CUX1: variants seen among roughly 807,000 people sequenced by gnomAD.
CUX1 encodes the protein cut like homeobox 1, also known as protein CASP.
A neutral mutation model predicts 158.8 loss-of-function variants in CUX1; 31 were observed. The ratio of observed to expected loss-of-function variants is 0.20; its 90% CI spans 0.15 to 0.26. The LOEUF is 0.26. CUX1 is among the 10% of genes least tolerant of loss of function. CUX1 has a pLI of 1.00. For missense variants in CUX1, 1,589 were observed against 2,014.6 expected (o/e 0.79, Z 4.04); for synonymous variants, 879 against 862.1 (o/e 1.02, Z -0.34).
At chr7:102,092,912 C>CTCA (rs1828727874) in intron 4 of CUX1, among the ~76,000 whole-genome samples, 1 of 74,958 alleles carries the variant, frequency 1.3e-5, no homozygotes, top group African/African-American at 4.9e-5. Context: ...GACTCCGTCT[C>CTCA]AAAAAAAAAA....
chr7:102,183,901 C>T (rs1320878324), intron 11 of CUX1, among the ~76,000 whole-genome samples: 4 of 152,176 alleles, frequency 2.6e-5, no homozygotes, highest in African/African-American at 9.7e-5. Context: ...CCAGAGGCCC[C>T]TTTGCTGTTT....
rs1033571823 is a variant in CUX1 at position 102,214,706 on chromosome 7, C to G, written c.3130+9536C>G. On this transcript the variant is annotated intron_variant, in intron 20 of 23. Coordinates refer to ENST00000292535, the MANE Select transcript of CUX1 (RefSeq NM_181552.4). ...GGCCCCAGCCCCATGCGGACTGGCCCGAGGGACCTGCCCCGCTCCCGGTGA... is the reference window on the plus strand; with the variant it reads ...GGCCCCAGCCCCATGCGGACTGGCCGGAGGGACCTGCCCCGCTCCCGGTGA... Among the ~76,000 whole-genome samples, 7 of 152,348 alleles carry G rather than the reference C, an allele frequency of 4.6e-5. No individual in the cohort carries two copies. The South Asian group carries it at 6.2e-4, about 14-fold the overall frequency.
At chr7:102,117,007 T>C (rs201505) in intron 8 of CUX1, among the ~76,000 whole-genome samples, 95,654 of 152,016 alleles carry the variant, frequency 0.63, 31,629 homozygotes, top group African/African-American at 0.8. Flanking sequence ...CAATCCAGCA[T>C]GCCCAGTGCT....
rs375591046 is a variant in CUX1, at chr7:102,115,346, G to A, written c.674+73G>A. The A allele has an allele frequency of 3.0e-4, 411 of 1,349,776 alleles. 1 individual carries two copies. In the African/African-American group the frequency reaches 4.2e-3, roughly 14 times the overall value. 83.6% of individuals were successfully genotyped at this position (1,349,776 alleles called of 1,614,324 possible). Reference sequence around the variant, plus strand: ...GATTTTGCTTGAGTAGGGCAGGATCGAGAAGGTTCTTGACCTCTGTGCTGC... The same window carrying A: ...GATTTTGCTTGAGTAGGGCAGGATCAAGAAGGTTCTTGACCTCTGTGCTGC... On this transcript the variant is annotated intron_variant, in intron 8 of 23. Coordinates refer to ENST00000292535, the MANE Select transcript of CUX1 (RefSeq NM_181552.4).
chr7:101,817,414 T>C (rs1791974173), upstream of CUX1: 1 of 984,060 alleles, frequency 1.0e-6, no homozygotes. The surrounding 1 kb of genome is among the most constrained non-coding windows in gnomAD (Gnocchi z 4.1). Context: ...CGGGGGCCCG[T>C]TGGGACCGTG....
intron 5 of CUX1, 65 bp from the exon 6 acceptor site, chr7:102,104,271 G>T: frequency 6.7e-7 from 1 of 1,491,772 alleles, no homozygotes; most frequent in Non-Finnish European, 9.0e-7. Flanking sequence ...TGAGAGCCTT[G>T]TACCTACAGC....
chr7:101,967,947 G>A (rs1036258341), intron 2 of CUX1, among the ~76,000 whole-genome samples: 1 of 151,904 alleles, frequency 6.6e-6, no homozygotes, highest in Admixed American at 6.6e-5. Flanking sequence ...TGTGTTGCCC[G>A]GGCTGGAATG....
At chr7:101,958,333 C>A (rs538575074) in intron 2 of CUX1, among the ~76,000 whole-genome samples, 1 of 150,570 alleles carries the variant, frequency 6.6e-6, no homozygotes, top group African/African-American at 2.5e-5. Flanking sequence ...GGAACTGGGC[C>A]CTACTTGGGA....
rs139945920 is a variant in CUX1 at position 102,144,314 on chromosome 7, T to C, written c.675-14246T>C. On this transcript the variant is annotated intron_variant, in intron 8 of 23. Transcript: ENST00000292535. ...ACTTTTTTTGTTGTCTTATTGGGTT[T>C]TTTGTTTATGTTTCATATGTTAAAT... Among the ~76,000 whole-genome samples the C allele has an allele frequency of 1.4e-3, 207 of 152,260 alleles. 1 individual carries two copies. Among genetic ancestry groups the C allele is most frequent in the African/African-American group, 4.7e-3 (195 of 41,562 alleles).
intron 1 of CUX1, chr7:101,822,195 CTG>C (rs1188793805): frequency 6.6e-6 from 1 of 152,132 alleles, no homozygotes; most frequent in African/African-American, 2.4e-5. Flanking sequence ...TCTGGATTGA[CTG>C]TGTTATTTGA....
chr7:102,254,169 G>A lies in CUX1; in HGVS notation c.*5127G>A, dbSNP rs1801824548. On this transcript the variant is annotated 3_prime_UTR_variant, in exon 24 of 24. Transcript: ENST00000292535. ...ACCTGTTCCCAAAGCTCCAGCAGCT[G>A]TTTCTTTTGCAGGCAGGGCGTGGTC... 1.0e-6 allele frequency: 1 copy of A among 985,552 alleles called. No individual in the cohort carries two copies. Among genetic ancestry groups the A allele is most frequent in the Non-Finnish European group, 1.2e-6 (1 of 830,062 alleles). 61.1% of individuals were successfully genotyped at this position (985,552 alleles called of 1,614,324 possible).
At chr7:102,106,572 A>G (rs1554488519) in intron 6 of CUX1, among the ~76,000 whole-genome samples, 1 of 151,922 alleles carries the variant, frequency 6.6e-6, no homozygotes, top group Non-Finnish European at 1.5e-5. Context: ...AGGAGTTACC[A>G]CCCCTTTCCA....
At chr7:101,897,487 G>A (rs1029857996) in intron 1 of CUX1, among the ~76,000 whole-genome samples, 3 of 138,750 alleles carry the variant, frequency 2.2e-5, no homozygotes, top group African/African-American at 8.1e-5. Context: ...AGTGAAGGGC[G>A]AGATGTTGTC....
chr7:102,095,821 T>G (rs1451513966), intron 4 of CUX1, among the ~76,000 whole-genome samples: 2 of 152,228 alleles, frequency 1.3e-5, no homozygotes, highest in Admixed American at 6.5e-5. Flanking sequence ...CTAAGCCCTG[T>G]GGACTTGGGT....
At chr7:102,007,801 G>A (rs1452582107) in intron 2 of CUX1, among the ~76,000 whole-genome samples, 12 of 151,742 alleles carry the variant, frequency 7.9e-5, no homozygotes, top group African/African-American at 2.9e-4. Context: ...CTGGAGTGCA[G>A]TGGTGCGATC....
intron 6 of CUX1, among the ~76,000 whole-genome samples, chr7:102,108,880 A>G (rs1830630710): frequency 6.6e-6 from 1 of 151,988 alleles, no homozygotes; most frequent in Non-Finnish European, 1.5e-5. Context: ...TCAGCCTCCC[A>G]AATAGCTGGG....
rs868927423 is a variant in CUX1, at chr7:102,258,006, G to A, written c.*8964G>A. The A allele has an allele frequency of 4.1e-6, 4 of 978,980 alleles. No individual in the cohort carries two copies. The highest frequency in any genetic ancestry group is 1.1e-3 in the Middle Eastern group (2 of 1,892). 60.6% of individuals were successfully genotyped at this position (978,980 alleles called of 1,614,324 possible). ...CTTGCTATTTGTTTTTCTACATTAAGAGTCAAAGTTGACCTGGCTGGCGTG... is the reference window on the plus strand; with the variant it reads ...CTTGCTATTTGTTTTTCTACATTAAAAGTCAAAGTTGACCTGGCTGGCGTG... On this transcript the variant is annotated 3_prime_UTR_variant, in exon 24 of 24. Transcript: ENST00000292535.
chr7:102,079,437 CA>C (rs535825246), intron 4 of CUX1, among the ~76,000 whole-genome samples: 135 of 139,914 alleles, frequency 9.6e-4, no homozygotes, highest in Non-Finnish European at 9.7e-4. Flanking sequence ...GACTCTGTCT[CA>C]AAAAAAAAAA....
intron 2 of CUX1, among the ~76,000 whole-genome samples, chr7:101,998,114 A>G (rs564268159): frequency 1.3e-5 from 2 of 152,334 alleles, no homozygotes; most frequent in South Asian, 2.1e-4. Flanking sequence ...GTACTGTGCC[A>G]TAATAAGCCT....
Sources: gnomAD v4.1 joint callset for allele counts (sites outside exome capture counted in the v4.1 genomes callset) on GRCh38, gnomAD v4.1.1 for gene constraint, Gnocchi (gnomAD v3.1) non-coding constraint, MANE v1.5 for transcripts, NCBI Gene and HGNC (gene_info 2026-07-23, HGNC 2026-07-21) for gene names.